Variants in SOX6 observed in about 807,000 individuals in gnomAD.
The protein encoded by SOX6 is transcription factor SOX-6.
Under a neutral mutation model 97.8 loss-of-function variants are expected in SOX6, and 11 were observed. That is an observed-to-expected ratio of 0.11 (90% confidence interval 0.07 to 0.19). The LOEUF (loss-of-function observed/expected upper bound fraction) is 0.19, where lower values mean the gene tolerates loss of function less well. Ranked by LOEUF, SOX6 falls within the 10% of genes least tolerant of loss-of-function variation. SOX6 has a pLI of 1.00. For synonymous variants in SOX6, 360 were observed against 371.4 expected (o/e 0.97, Z 0.35); for missense variants, 810 against 1,039.5 (o/e 0.78, Z 3.04).
intron 6 of SOX6, among the ~76,000 whole-genome samples, chr11:16,155,870 A>C (rs1194656245): frequency 6.6e-6 from 1 of 152,104 alleles, no homozygotes; most frequent in Non-Finnish European, 1.5e-5. Context: ...GCTCGTTATC[A>C]CATCTTCACT....
At chr11:16,064,601 T>C (rs1291239619) in intron 9 of SOX6, among the ~76,000 whole-genome samples, 3 of 151,602 alleles carry the variant, frequency 2.0e-5, no homozygotes, top group African/African-American at 7.3e-5. Context: ...TGAATATTGA[T>C]GCAAAAATCC....
chr11:16,411,546 G>A (rs1456464047), intron 1 of SOX6, among the ~76,000 whole-genome samples: 1 of 152,054 alleles, frequency 6.6e-6, no homozygotes, highest in Non-Finnish European at 1.5e-5. Context: ...TTATTTTAAT[G>A]TTGGGATTTT....
At chr11:15,978,561 T>C (rs1853560856) in intron 15 of SOX6, among the ~76,000 whole-genome samples, 1 of 151,454 alleles carries the variant, frequency 6.6e-6, no homozygotes, top group African/African-American at 2.4e-5. Context: ...CTCCCTGCCA[T>C]CTAAGCACCG....
chr11:16,481,523 G>C (rs1468130664), intron 4 of SOX6, among the ~76,000 whole-genome samples: 1 of 152,128 alleles, frequency 6.6e-6, no homozygotes, highest in African/African-American at 2.4e-5. Flanking sequence ...TCCAAAGGTA[G>C]TTATTATTGA....
intron 7 of SOX6, among the ~76,000 whole-genome samples, chr11:16,100,796 C>T (rs547840920): frequency 1.3e-5 from 2 of 149,856 alleles, no homozygotes; most frequent in African/African-American, 4.9e-5. Flanking sequence ...AAAAGTCTGT[C>T]AATTTACTTT....
chr11:16,054,886 G>C (rs1847775909), intron 10 of SOX6, among the ~76,000 whole-genome samples: 1 of 152,132 alleles, frequency 6.6e-6, no homozygotes, highest in East Asian at 1.9e-4. Flanking sequence ...ATAGGTACCA[G>C]CTGCAGCACA....
At position 16,544,695 on chromosome 11, in the gene SOX6, G is replaced by A. The variant is rs1480525910; in HGVS notation, n.609+67386C>T. Among the ~76,000 whole-genome samples the A allele has an allele frequency of 5.9e-5, 9 of 152,102 alleles. No individual in the cohort carries two copies. The South Asian group carries it at 1.0e-3, about 18-fold the overall frequency. On this transcript the variant is annotated intron_variant and non_coding_transcript_variant, in intron 4 of 5. Transcript: ENST00000524520. ...TTCTAAAGTGGTGAGTTTATGTTAC[G>A]TGAATATTACCACAATAATTTTTAA...
chr11:16,038,004 T>G (rs1046957623), intron 12 of SOX6, among the ~76,000 whole-genome samples: 18 of 152,022 alleles, frequency 1.2e-4, no homozygotes, highest in Non-Finnish European at 8.8e-5. Flanking sequence ...CAACCAATTT[T>G]GGAAGGAAAA....
chr11:16,504,898 C>A (rs1171947534), intron 4 of SOX6, among the ~76,000 whole-genome samples: 1 of 152,164 alleles, frequency 6.6e-6, no homozygotes, highest in Non-Finnish European at 1.5e-5. Context: ...TTATAAGTTT[C>A]CTGAGACCTC....
chr11:16,427,618 T>C (rs1162612296), intron 1 of SOX6, among the ~76,000 whole-genome samples: 4 of 152,128 alleles, frequency 2.6e-5, no homozygotes, highest in South Asian at 2.1e-4. Context: ...CTGAGAATGA[T>C]GGTTTCCAGC....
At chr11:16,037,437 A>T (rs1297173441) in intron 12 of SOX6, among the ~76,000 whole-genome samples, 1 of 152,216 alleles carries the variant, frequency 6.6e-6, no homozygotes, top group Non-Finnish European at 1.5e-5. Flanking sequence ...GAAGGGCAGG[A>T]GTGCAAAAGA....
chr11:16,438,366 T>G (rs955283907), intron 1 of SOX6, among the ~76,000 whole-genome samples: 2 of 152,076 alleles, frequency 1.3e-5, no homozygotes, highest in Non-Finnish European at 2.9e-5. Flanking sequence ...ATTTCAAAAT[T>G]GGGCGATATT....
At chr11:15,996,767 A>T (rs1188177927) in intron 13 of SOX6, among the ~76,000 whole-genome samples, 1 of 152,196 alleles carries the variant, frequency 6.6e-6, no homozygotes, top group African/African-American at 2.4e-5. Context: ...GGGAACAAAT[A>T]CAAGTAGTGA....
intron 1 of SOX6, among the ~76,000 whole-genome samples, chr11:16,424,883 G>A (rs1859094248): frequency 6.6e-6 from 1 of 152,176 alleles, no homozygotes; most frequent in Middle Eastern, 3.2e-3. Flanking sequence ...GAGTTGGTGA[G>A]TGAATGAATT....
intron 4 of SOX6, among the ~76,000 whole-genome samples, chr11:16,507,315 G>A (rs1432647088): frequency 1.3e-5 from 2 of 151,940 alleles, no homozygotes; most frequent in African/African-American, 4.8e-5. Flanking sequence ...TATAAGAAAA[G>A]ACTAATACAA....
At chr11:16,411,514 A>G (rs1023155069) in intron 1 of SOX6, among the ~76,000 whole-genome samples, 2 of 152,144 alleles carry the variant, frequency 1.3e-5, no homozygotes, top group East Asian at 1.9e-4. Context: ...TTTTAATTTC[A>G]TGGATTAAAA....
intron 3 of SOX6, among the ~76,000 whole-genome samples, chr11:16,616,043 A>G (rs1590011455): frequency 6.6e-6 from 1 of 152,302 alleles, no homozygotes; most frequent in South Asian, 2.1e-4. Context: ...ATACTGTGTT[A>G]TCTTTTCACC....
At chr11:16,150,302 G>A (rs1397350248) in intron 6 of SOX6, among the ~76,000 whole-genome samples, 1 of 152,168 alleles carries the variant, frequency 6.6e-6, no homozygotes, top group Admixed American at 6.6e-5. Flanking sequence ...AGGCCAAAAT[G>A]TAAACCCAGA....
intron 12 of SOX6, among the ~76,000 whole-genome samples, chr11:16,016,140 ATATTCT>A (rs1367403662): frequency 2.0e-5 from 3 of 152,196 alleles, no homozygotes; most frequent in Non-Finnish European, 4.4e-5. Flanking sequence ...AAACTTGGAA[ATATTCT>A]TAAAGAGCAA....
Sources: allele counts gnomAD v4.1 joint callset (sites outside exome capture counted in the v4.1 genomes callset), GRCh38; gene constraint gnomAD v4.1.1; transcripts MANE v1.5; gene names NCBI Gene and HGNC (gene_info 2026-07-23, HGNC 2026-07-21).